TLN2: variants seen among roughly 807,000 people sequenced by gnomAD.
TLN2 encodes the protein talin 2, also known as talin-2.
TLN2 carries 118 observed loss-of-function variants against 294.7 expected under a neutral mutation model. The ratio of observed to expected loss-of-function variants is 0.40; its 90% CI spans 0.34 to 0.47. TLN2 has a LOEUF of 0.47. TLN2 is among the 20% of genes least tolerant of loss of function. The pLI is 0.84. For missense variants in TLN2, 3,083 were observed against 3,282.2 expected (o/e 0.94, Z 1.48); for synonymous variants, 1,431 against 1,304.5 (o/e 1.10, Z -2.09).
chr15:62,626,351 C>G (rs1245455967), intron 3 of TLN2, among the ~76,000 whole-genome samples: 3 of 152,064 alleles, frequency 2.0e-5, no homozygotes, highest in Admixed American at 1.3e-4. Flanking sequence ...GTTCATTTTG[C>G]CTGGAATAAT....
chr15:62,791,840 G>A (rs2065095481), intron 45 of TLN2, among the ~76,000 whole-genome samples: 3 of 152,216 alleles, frequency 2.0e-5, no homozygotes, highest in Admixed American at 2.0e-4. Flanking sequence ...AACAGGGCCG[G>A]AGGAATGCAA....
intron 28 of TLN2, among the ~76,000 whole-genome samples, chr15:62,728,236 A>G (rs990861679): frequency 2.0e-5 from 3 of 152,188 alleles, no homozygotes; most frequent in African/African-American, 7.2e-5. Context: ...ATAATACAAT[A>G]TGTGCCCCTC....
intron 7 of TLN2, among the ~76,000 whole-genome samples, chr15:62,653,757 A>AG (rs1219873486): frequency 5.8e-5 from 8 of 137,484 alleles, no homozygotes; most frequent in Non-Finnish European, 1.3e-4. Flanking sequence ...TTAAAAAAAA[A>AG]AAAGTAATTG....
At chr15:62,802,411 T>TATAC (rs2065989345) in intron 50 of TLN2, among the ~76,000 whole-genome samples, 1 of 149,730 alleles carries the variant, frequency 6.7e-6, no homozygotes, top group Non-Finnish European at 1.5e-5. Context: ...TATACAATGG[T>TATAC]ACACACACAC....
At chr15:62,839,694 C>T (rs907126383) in intron 58 of TLN2, among the ~76,000 whole-genome samples, 1 of 152,306 alleles carries the variant, frequency 6.6e-6, no homozygotes, top group East Asian at 1.9e-4. Flanking sequence ...GTTATTCATT[C>T]CCCATGTCTG....
chr15:62,495,911 A>G (rs1467594512), intron 1 of TLN2, among the ~76,000 whole-genome samples: 2 of 152,046 alleles, frequency 1.3e-5, no homozygotes, highest in African/African-American at 2.4e-5. Flanking sequence ...CCAGTCTTTA[A>G]TCATGGATGA....
intron 1 of TLN2, among the ~76,000 whole-genome samples, chr15:62,431,406 T>C (rs749679671): frequency 2.0e-5 from 3 of 152,236 alleles, no homozygotes; most frequent in Non-Finnish European, 2.9e-5. Context: ...TGGAATATAA[T>C]TTGACTGTGC....
chr15:62,756,420 A>G (rs2062254308), intron 37 of TLN2, among the ~76,000 whole-genome samples: 1 of 152,190 alleles, frequency 6.6e-6, no homozygotes, highest in African/African-American at 2.4e-5. Context: ...GGCAGCAGGC[A>G]GCTGACCTGT....
intron 1 of TLN2, among the ~76,000 whole-genome samples, chr15:62,585,097 G>A (rs1034393644): frequency 3.3e-5 from 5 of 152,106 alleles, no homozygotes; most frequent in Non-Finnish European, 1.5e-5. Context: ...TGGGTTCTTG[G>A]CTGCATGGGA....
chr15:62,765,575 G>T (rs188275980), intron 40 of TLN2, among the ~76,000 whole-genome samples: 1 of 152,094 alleles, frequency 6.6e-6, no homozygotes, highest in Non-Finnish European at 1.5e-5. Flanking sequence ...AGTGAAGCTC[G>T]TATGAATAGT....
At chr15:62,420,821 A>G (rs970353251) in intron 1 of TLN2, among the ~76,000 whole-genome samples, 2 of 152,112 alleles carry the variant, frequency 1.3e-5, no homozygotes, top group African/African-American at 4.8e-5. Flanking sequence ...GCCTCCACAA[A>G]CAAGTTTATT....
Position 62,504,818 on chromosome 15 carries a change from G to GGTATGTGTGT in TLN2, c.-237-84867_-237-84866insATGTGTGTGT, listed in dbSNP as rs1555419723. On this transcript the variant is annotated intron_variant, in intron 1 of 58. Coordinates refer to ENST00000636159, the MANE Select transcript of TLN2 (RefSeq NM_015059.3). Reference sequence around the variant, plus strand: ...AAGGGTAACAGAAAGTAGTTGGTGGGGTGTGTGTGTGTGTGTGTGTGTGTG... The same window carrying GGTATGTGTGT: ...AAGGGTAACAGAAAGTAGTTGGTGGGGTATGTGTGTGTGTGTGTGTGTGTGTGTGTGTGTG... Among the ~76,000 whole-genome samples the GGTATGTGTGT allele has an allele frequency of 4.9e-5, 7 of 143,622 alleles. No individual in the cohort carries two copies. In the East Asian group the frequency reaches 1.6e-3, roughly 32 times the overall value. The allele number at this position is 143,622 out of a possible 152,430, so 94.2% of individuals were successfully genotyped here.
chr15:62,468,540 T>C lies in TLN2; in HGVS notation c.-238+77855T>C, dbSNP rs978424385. Reference sequence around the variant, plus strand: ...GCAGGCGGATCACAGGGTCAGGAGATTGAGACCATCCTGGCCAACAAGGTG... The same window carrying C: ...GCAGGCGGATCACAGGGTCAGGAGACTGAGACCATCCTGGCCAACAAGGTG... On this transcript the variant is annotated intron_variant, in intron 1 of 58. Coordinates refer to ENST00000636159, the MANE Select transcript of TLN2 (RefSeq NM_015059.3). Among the ~76,000 whole-genome samples, 6 of 152,032 alleles carry C rather than the reference T, an allele frequency of 3.9e-5. No individual in the cohort carries two copies. In the South Asian group the frequency reaches 1.0e-3, roughly 26 times the overall value.
intron 53 of TLN2, 59 bp downstream of exon 53, chr15:62,819,680 C>T: frequency 4.8e-6 from 7 of 1,456,116 alleles, no homozygotes; most frequent in East Asian, 4.6e-5. Flanking sequence ...GCTAATACAG[C>T]AGACTGAGCA....
At chr15:62,421,182 C>T (rs180687517) in intron 1 of TLN2, among the ~76,000 whole-genome samples, 3 of 152,262 alleles carry the variant, frequency 2.0e-5, no homozygotes, top group Admixed American at 6.5e-5. Flanking sequence ...TACCGGTCCA[C>T]GAGAAATAGC....
chr15:62,534,721 C>T (rs2041239787), intron 1 of TLN2, among the ~76,000 whole-genome samples: 1 of 152,138 alleles, frequency 6.6e-6, no homozygotes, highest in South Asian at 2.1e-4. Context: ...TGTGACCAGC[C>T]CTTATCCTGA....
chr15:62,457,750 C>T (rs1050416896), intron 1 of TLN2, among the ~76,000 whole-genome samples: 3 of 152,094 alleles, frequency 2.0e-5, no homozygotes, highest in Non-Finnish European at 2.9e-5. Flanking sequence ...GCTGCACCTG[C>T]GTGGGAGCTG....
intron 1 of TLN2, among the ~76,000 whole-genome samples, chr15:62,451,216 T>TGCACCACA (rs2036124349): frequency 6.6e-6 from 1 of 152,162 alleles, no homozygotes; most frequent in Admixed American, 6.5e-5. Context: ...AAGGGCCGTG[T>TGCACCACA]GCACCACAGC....
intron 11 of TLN2, among the ~76,000 whole-genome samples, chr15:62,677,560 A>C: frequency 6.6e-6 from 1 of 152,196 alleles, no homozygotes; most frequent in Non-Finnish European, 1.5e-5. Context: ...CACCAGGATA[A>C]TTTGAGAGAG....
Sources: gnomAD v4.1 joint callset for allele counts (sites outside exome capture counted in the v4.1 genomes callset) on GRCh38, gnomAD v4.1.1 for gene constraint, MANE v1.5 for transcripts, NCBI Gene and HGNC (gene_info 2026-07-23, HGNC 2026-07-21) for gene names.